The following FAM185A variants were observed in gnomAD, a reference collection of about 807,000 sequenced individuals.
FAM185A encodes family with sequence similarity 185 member A.
A neutral mutation model predicts 45.7 loss-of-function variants in FAM185A; 21 were observed. The observed-to-expected ratio is 0.46, with a 90% CI of 0.33 to 0.66. The LOEUF (loss-of-function observed/expected upper bound fraction) is 0.66. Ranked by LOEUF, FAM185A falls within the 30% of genes least tolerant of loss-of-function variation. The pLI, the probability that FAM185A is intolerant of heterozygous loss-of-function variation, is 0.03. For missense variants in FAM185A, 305 were observed against 485.4 expected (o/e 0.63, Z 3.49); for synonymous variants, 117 against 194.0 (o/e 0.60, Z 3.30).
At chr7:102,836,242 C>T in the FAM185A span, among the ~76,000 whole-genome samples, 22 of 152,126 alleles carry the variant, frequency 1.4e-4, no homozygotes, top group African/African-American at 5.1e-4. Flanking sequence ...TTCATGGTAC[C>T]ATTCTCATCC....
At chr7:102,806,225 C>T (rs1307985385) in intron 7 of FAM185A, among the ~76,000 whole-genome samples, 4 of 152,146 alleles carry the variant, frequency 2.6e-5, no homozygotes, top group Non-Finnish European at 5.9e-5. Flanking sequence ...ATCCTTGTTG[C>T]CTAGGCTGGA....
intron 7 of FAM185A, among the ~76,000 whole-genome samples, chr7:102,800,055 C>T (rs1270666004): frequency 2.0e-5 from 3 of 152,184 alleles, no homozygotes; most frequent in Non-Finnish European, 4.4e-5. Context: ...CTGAGAGACC[C>T]ATAGACGGTT....
At chr7:102,786,302 A>G (rs1795791334) in intron 6 of FAM185A, among the ~76,000 whole-genome samples, 1 of 152,222 alleles carries the variant, frequency 6.6e-6, no homozygotes, top group African/African-American at 2.4e-5. Context: ...AACTAGAAAT[A>G]CCATTTGACC....
intron 2 of FAM185A, among the ~76,000 whole-genome samples, chr7:102,752,273 A>ATTTTT (rs202099768): frequency 7.1e-6 from 1 of 140,948 alleles, no homozygotes; most frequent in African/African-American, 2.6e-5. Flanking sequence ...TGTAATTAAA[A>ATTTTT]TTTTTTTTTT....
At chr7:102,758,429 T>A (rs1326885165) in intron 3 of FAM185A, among the ~76,000 whole-genome samples, 20,885 of 42,472 alleles carry the variant, frequency 0.49, 4,199 homozygotes, top group Middle Eastern at 0.58. Context: ...TCTCACAGCT[T>A]TTTTTTTTTT....
At chr7:102,822,670 T>C in the FAM185A span, among the ~76,000 whole-genome samples, 1 of 152,236 alleles carries the variant, frequency 6.6e-6, no homozygotes, top group African/African-American at 2.4e-5. Flanking sequence ...TTGCATATTC[T>C]CTTTCACCCA....
At chr7:102,835,429 G>T in the FAM185A span, among the ~76,000 whole-genome samples, 2 of 152,090 alleles carry the variant, frequency 1.3e-5, no homozygotes, top group African/African-American at 4.8e-5. Context: ...TAAGCCCCTT[G>T]TACTGCCTGG....
At chr7:102,843,283 A>C in the FAM185A span, among the ~76,000 whole-genome samples, 4 of 152,058 alleles carry the variant, frequency 2.6e-5, no homozygotes, top group African/African-American at 9.7e-5. Context: ...GTCTCTACTA[A>C]AAATACAAAA....
At chr7:102,805,437 A>C (rs1475889517) in intron 7 of FAM185A, among the ~76,000 whole-genome samples, 1 of 152,132 alleles carries the variant, frequency 6.6e-6, no homozygotes, top group Non-Finnish European at 1.5e-5. Context: ...GGAATGGAAA[A>C]CTAAACATCA....
At chr7:102,840,416 G>T in the FAM185A span, among the ~76,000 whole-genome samples, 5 of 152,156 alleles carry the variant, frequency 3.3e-5, no homozygotes, top group Non-Finnish European at 5.9e-5. Flanking sequence ...CAATTACCTG[G>T]CACTAGTCCA....
At chr7:102,809,515 A>G (rs764125722), downstream of FAM185A, among the ~76,000 whole-genome samples, 17 of 152,002 alleles carry the variant, frequency 1.1e-4, no homozygotes, top group Non-Finnish European at 1.8e-4. Flanking sequence ...CTAACATGGT[A>G]AAACCCCATC....
At chr7:102,800,291 A>G (rs190626753) in intron 7 of FAM185A, among the ~76,000 whole-genome samples, 4 of 152,298 alleles carry the variant, frequency 2.6e-5, no homozygotes, top group Non-Finnish European at 4.4e-5. Flanking sequence ...TACCCAAATG[A>G]GAAGGAACCA....
At chr7:102,814,142 G>A (rs1178307420), downstream of FAM185A, among the ~76,000 whole-genome samples, 1 of 152,154 alleles carries the variant, frequency 6.6e-6, no homozygotes, top group Non-Finnish European at 1.5e-5. Context: ...CAGAAAAAAA[G>A]TAGGTCTAAC....
chr7:102,812,840 CTTT>C (rs908090315), downstream of FAM185A, among the ~76,000 whole-genome samples: 3 of 122,560 alleles, frequency 2.4e-5, no homozygotes, highest in Admixed American at 8.2e-5. Context: ...GATTTGGCTT[CTTT>C]TTTTTTTTTT....
At chr7:102,762,347 T>A (rs556511399) in intron 4 of FAM185A, among the ~76,000 whole-genome samples, 2 of 152,370 alleles carry the variant, frequency 1.3e-5, no homozygotes, top group East Asian at 3.9e-4. Flanking sequence ...GTGTTCAGTG[T>A]CACTCAGCTG....
chr7:102,793,717 T>G (rs1162614928), intron 7 of FAM185A, among the ~76,000 whole-genome samples: 2 of 152,038 alleles, frequency 1.3e-5, no homozygotes, highest in South Asian at 2.1e-4. Context: ...TTGCATATAT[T>G]TTTTTGTTTT....
intron 2 of FAM185A, chr7:102,755,623 A>G: frequency 1.1e-5 from 7 of 613,252 alleles, no homozygotes; most frequent in Non-Finnish European, 2.1e-5. Context: ...CACGACATGG[A>G]TCCCATTGAG....
intron 7 of FAM185A, among the ~76,000 whole-genome samples, chr7:102,795,625 C>T (rs1330448376): frequency 6.6e-6 from 1 of 152,156 alleles, no homozygotes; most frequent in Non-Finnish European, 1.5e-5. Flanking sequence ...AAGATCAAGA[C>T]AGGGTTCACA....
intron 7 of FAM185A, among the ~76,000 whole-genome samples, chr7:102,803,913 T>G (rs1002236894): frequency 6.6e-6 from 1 of 151,324 alleles, no homozygotes; most frequent in Non-Finnish European, 1.5e-5. Context: ...ATCAAATCAA[T>G]AACTCAACCC....
Sources: gnomAD v4.1 joint callset for allele counts (sites outside exome capture counted in the v4.1 genomes callset) on GRCh38, gnomAD v4.1.1 for gene constraint, MANE v1.5 for transcripts, NCBI Gene and HGNC (gene_info 2026-07-23, HGNC 2026-07-21) for gene names.